Variants in MOCS1 observed in about 807,000 individuals in gnomAD.
The protein encoded by MOCS1 is molybdenum cofactor biosynthesis protein 1.
In MOCS1, 39 loss-of-function variants were observed where a neutral mutation model predicts 57.6. The observed-to-expected ratio is 0.68, with a 90% confidence interval of 0.52 to 0.88. MOCS1 has a LOEUF of 0.88. MOCS1 is among the 40% of genes least tolerant of loss of function. The pLI is 0.00. For synonymous variants in MOCS1, 334 were observed against 335.7 expected (o/e 1.00, Z 0.05); for missense variants, 795 against 831.1 (o/e 0.96, Z 0.53).
chr6:39,913,045 C>A, intron 6 of MOCS1, 41 bp from the exon 7 acceptor site: 1 of 1,577,372 alleles, frequency 6.3e-7, no homozygotes, highest in Non-Finnish European at 8.7e-7. Flanking sequence ...GCTTCTGAAT[C>A]ACAGTTGAAG....
At chr6:39,934,162 C>T (rs1199015196) in intron 1 of MOCS1, 133 bp downstream of exon 1, 9 of 1,242,350 alleles carry the variant, frequency 7.2e-6, no homozygotes, top group Admixed American at 2.9e-5. Flanking sequence ...GAACATCGCT[C>T]CACTGAGGAG....
intron 3 of MOCS1, among the ~76,000 whole-genome samples, chr6:39,921,382 G>A (rs569593553): frequency 9.5e-5 from 14 of 147,462 alleles, no homozygotes; most frequent in African/African-American, 2.8e-4. Flanking sequence ...CTGGGCGACA[G>A]AGCAAGACTA....
At position 39,907,010 on chromosome 6, in the gene MOCS1, C is replaced by A. The variant is rs746173424; in HGVS notation, c.1258G>T (p.Val420Leu). 6 of 1,613,822 alleles carry A rather than the reference C, an allele frequency of 3.7e-6. No individual in the cohort carries two copies. Among genetic ancestry groups the A allele is most frequent in the Non-Finnish European group, 8.5e-7 (1 of 1,179,888 alleles). Residue 420 changes from valine to leucine, a missense_variant, in exon 11 of 11, where the codon GTG becomes TTG. Physicochemically the swap from Val to Leu is conservative, Grantham distance 32. Transcript: ENST00000340692. ...LRPRMSFSSQ[V>L]ATLWKGCRVP... Reference sequence around the variant, plus strand: ...CTGCATCCTTTCCATAAAGTGGCCACCTGGCTGGAGAAACTCATTCTGGGT... The same window carrying A: ...CTGCATCCTTTCCATAAAGTGGCCAACTGGCTGGAGAAACTCATTCTGGGT...
chr6:39,929,269 C>A (rs563940946), intron 1 of MOCS1, among the ~76,000 whole-genome samples: 1 of 152,240 alleles, frequency 6.6e-6, no homozygotes, highest in African/African-American at 2.4e-5. Flanking sequence ...TCCCTCCCTG[C>A]GGTATGATGG....
chr6:39,906,599 C>T lies in MOCS1; in HGVS notation c.1669G>A (p.Val557Met), dbSNP rs770838431. The change falls in exon 11 of 11, where the codon GTG (valine) becomes ATG (methionine). Residue 557 changes from valine to methionine, a missense_variant. Val to Met is a conservative substitution (Grantham distance 21, BLOSUM62 1). Transcript: ENST00000340692. ...TGCACCTGGATGTGGCTCAGGGCCACGTGGTGGCACAGAGGGATCAGCTGG... is the reference window on the plus strand; with the variant it reads ...TGCACCTGGATGTGGCTCAGGGCCATGTGGTGGCACAGAGGGATCAGCTGG... ...TSQLIPLCHH[V>M]ALSHIQVQLE... 6.8e-5 allele frequency: 110 copies of T among 1,613,872 alleles called. No individual in the cohort carries two copies. The highest frequency in any genetic ancestry group is 1.8e-4 in the East Asian group (8 of 44,882).
intron 1 of MOCS1, among the ~76,000 whole-genome samples, chr6:39,931,510 C>T (rs1305198586): frequency 6.6e-6 from 1 of 152,138 alleles, no homozygotes; most frequent in Admixed American, 6.5e-5. Context: ...GATTCTCCTT[C>T]CCCCTCCCCT....
intron 3 of MOCS1, among the ~76,000 whole-genome samples, chr6:39,920,950 C>G (rs1253593547): frequency 2.1e-5 from 3 of 145,412 alleles, no homozygotes; most frequent in Admixed American, 1.4e-4. Flanking sequence ...CACTCCAGCC[C>G]GGGCAACAGA....
intron 4 of MOCS1, among the ~76,000 whole-genome samples, chr6:39,914,959 G>C (rs1409576704): frequency 6.6e-6 from 1 of 152,044 alleles, no homozygotes; most frequent in African/African-American, 2.4e-5. Flanking sequence ...TGCAGGTTCT[G>C]TACTCCTGCT....
In MOCS1 at chr6:39,913,399, G is replaced by A. The variant is rs138960787; in HGVS notation, c.675C>T (p.Asn225=). 65 of 1,614,098 alleles carry A rather than the reference G, an allele frequency of 4.0e-5. No individual in the cohort carries two copies. The highest frequency in any genetic ancestry group is 2.8e-4 in the African/African-American group (21 of 74,944). Residue 225 remains asparagine, a synonymous_variant, in exon 6 of 11, where the codon AAC becomes AAT. Transcript: ENST00000340692. The part of the protein sequence containing the change: ...KVNCVVMRGL[N]EDELLDFAAL... ...CCGCAAAGTCCAGGAGTTCATCCTCGTTAAGGCCTCGCATCACCACACAGT... is the reference window on the plus strand; with the variant it reads ...CCGCAAAGTCCAGGAGTTCATCCTCATTAAGGCCTCGCATCACCACACAGT...
rs772989676 is a variant in MOCS1, at chr6:39,913,409, C to T, written c.665G>A (p.Arg222Gln). 1.1e-5 allele frequency: 17 copies of T among 1,614,084 alleles called. No individual in the cohort carries two copies. Among genetic ancestry groups the T allele is most frequent in the Admixed American group, 6.7e-5 (4 of 60,012 alleles). Residue 222 changes from arginine (R) to glutamine (Q), a missense_variant, in exon 6 of 11, where the codon CGA becomes CAA. By Grantham distance (43) the Arg-to-Gln change is conservative (BLOSUM62 1). This residue lies in a region of MOCS1 where 416 missense variants were observed against 392.4 expected (regional missense o/e 1.06). Transcript: ENST00000340692. ...NPVKVNCVVM[R>Q]GLNEDELLDF... ...CAGGAGTTCATCCTCGTTAAGGCCT[C>T]GCATCACCACACAGTTCACCTGGCC...
At chr6:39,925,886 G>A in intron 2 of MOCS1, 41 bp from the exon 3 acceptor site, 1 of 1,583,750 alleles carries the variant, frequency 6.3e-7, no homozygotes, top group South Asian at 1.1e-5. Context: ...GAGGAAAGAG[G>A]CACGGCCACA....
intron 1 of MOCS1, 33 bp from the exon 2 acceptor site, chr6:39,927,488 C>G (rs1768392049): frequency 6.2e-7 from 1 of 1,609,780 alleles, no homozygotes; most frequent in African/African-American, 1.3e-5. Flanking sequence ...AAGCATGGGC[C>G]CCTGCTACCG....
intron 8 of MOCS1, among the ~76,000 whole-genome samples, chr6:39,911,982 T>A (rs773271598): frequency 6.6e-5 from 10 of 152,146 alleles, no homozygotes; most frequent in African/African-American, 9.7e-5. Flanking sequence ...TGCACATTGA[T>A]CCTGCAGCTC....
At chr6:39,908,958 T>A in intron 10 of MOCS1, 97 bp downstream of exon 10, 1 of 998,946 alleles carries the variant, frequency 1.0e-6, no homozygotes, top group Non-Finnish European at 1.6e-6. Flanking sequence ...GAAATCAGCA[T>A]GAAATGCAGG....
intron 9 of MOCS1, among the ~76,000 whole-genome samples, chr6:39,909,409 C>A (rs888479913): frequency 2.6e-5 from 4 of 151,916 alleles, no homozygotes; most frequent in Non-Finnish European, 5.9e-5. Context: ...GCTTGACAGC[C>A]CCGAGCACAT....
intron 3 of MOCS1, among the ~76,000 whole-genome samples, chr6:39,920,334 G>A (rs567949957): frequency 6.6e-6 from 1 of 152,254 alleles, no homozygotes; most frequent in East Asian, 1.9e-4. Flanking sequence ...AAGTGTATTT[G>A]GCACAACCAT....
intron 1 of MOCS1, among the ~76,000 whole-genome samples, chr6:39,932,931 A>T (rs1768714642): frequency 6.6e-6 from 1 of 152,144 alleles, no homozygotes; most frequent in African/African-American, 2.4e-5. Flanking sequence ...ATCCCTAATA[A>T]GGGATGGGGC....
At chr6:39,914,682 C>T (rs1340730876) in intron 4 of MOCS1, among the ~76,000 whole-genome samples, 1 of 152,150 alleles carries the variant, frequency 6.6e-6, no homozygotes, top group East Asian at 1.9e-4. Context: ...TTCCTTGCAG[C>T]ATTTTCAGAC....
intron 1 of MOCS1, among the ~76,000 whole-genome samples, chr6:39,929,032 C>T (rs536451888): frequency 2.0e-5 from 3 of 152,292 alleles, no homozygotes; most frequent in Admixed American, 6.5e-5. Flanking sequence ...TAATTCTCAT[C>T]GGCAGCCCTT....
Sources: allele counts gnomAD v4.1 joint callset (sites outside exome capture counted in the v4.1 genomes callset), GRCh38; gene constraint gnomAD v4.1.1; regional missense constraint gnomAD v4.1.1; transcripts MANE v1.5; gene names NCBI Gene and HGNC (gene_info 2026-07-23, HGNC 2026-07-21).